ATP2B3: variants seen among roughly 807,000 people sequenced by gnomAD.
ATP2B3 encodes ATPase plasma membrane Ca2+ transporting 3.
A neutral mutation model predicts 70.8 loss-of-function variants in ATP2B3; 12 were observed. The ratio of observed to expected loss-of-function variants is 0.17; its 90% CI spans 0.11 to 0.27. ATP2B3 has a LOEUF of 0.27. Ranked by LOEUF, ATP2B3 falls within the 10% of genes least tolerant of loss-of-function variation. The pLI, the probability that ATP2B3 is intolerant of heterozygous loss-of-function variation, is 1.00. For synonymous variants in ATP2B3, 460 were observed against 497.8 expected (o/e 0.92, Z 1.01); for missense variants, 858 against 1,118.5 (o/e 0.77, Z 3.32).
chrX:153,527,272 G>A (rs1307931345), intron 2 of ATP2B3, among the ~76,000 whole-genome samples: 2 of 112,501 alleles, frequency 1.8e-5, no homozygotes, highest in East Asian at 5.7e-4. Flanking sequence ...CTTCCCATTG[G>A]ACCCCAAACA....
intron 20 of ATP2B3, 23 bp downstream of exon 20, chrX:153,562,265 A>G (rs782208450): frequency 8.5e-7 from 1 of 1,173,523 alleles, no homozygotes; most frequent in Non-Finnish European, 1.2e-6. Context: ...CCTGCCCCTC[A>G]TTTCAGACTG....
chrX:153,531,770 C>T (rs782065849), intron 2 of ATP2B3, among the ~76,000 whole-genome samples: 2 of 112,916 alleles, frequency 1.8e-5, no homozygotes, highest in South Asian at 7.3e-4. Context: ...CCCATCATCC[C>T]TGTGGGGATA....
At chrX:153,559,983 G>C (rs781796197) in intron 18 of ATP2B3, 41 bp downstream of exon 18, 4 of 1,154,408 alleles carry the variant, frequency 3.5e-6, no homozygotes, top group Middle Eastern at 2.7e-4. Context: ...TCAGGACACT[G>C]TTGCCACCAC....
At chrX:153,575,651 G>A (rs996420180) in intron 21 of ATP2B3, among the ~76,000 whole-genome samples, 14 of 111,935 alleles carry the variant, frequency 1.3e-4, no homozygotes, top group Non-Finnish European at 2.3e-4. Context: ...GCTGGGGCCG[G>A]GGGGGTTGGG....
At position 153,556,226 on chromosome X, in the gene ATP2B3, G is replaced by A. The variant is rs782691057; in HGVS notation, c.2236G>A (p.Glu746Lys). 7 of 1,208,481 alleles carry A rather than the reference G, an allele frequency of 5.8e-6. No homozygotes were observed. Among genetic ancestry groups the A allele is most frequent in the South Asian group, 1.8e-5 (1 of 56,558 alleles). The stretch of plus-strand genomic sequence containing the variant: ...CCGGCGGATCCGCAATGAGAAAGGC[G>A]AGGTAGCACCCGGCTGTCTGCCACC... Reference protein sequence around the residue: ...FNRRIRNEKGEIEQERLDKVW... With the variant: ...FNRRIRNEKGKIEQERLDKVW... The change falls in exon 14 of 22, where the codon GAG becomes AAG. Residue 746 changes from glutamate (E) to lysine (K), a missense_variant and splice_region_variant. Physicochemically the swap from Glu to Lys is moderately conservative, Grantham distance 56. Transcript: ENST00000263519.
At chrX:153,542,037 C>T in intron 5 of ATP2B3, 111 bp downstream of exon 5, 1 of 821,281 alleles carries the variant, frequency 1.2e-6, no homozygotes, top group Admixed American at 4.1e-5. Context: ...GCCTGCGTGT[C>T]GTCACCTGCC....
At chrX:153,549,973 G>T in intron 11 of ATP2B3, 72 bp from the exon 12 acceptor site, 1 of 1,178,240 alleles carries the variant, frequency 8.5e-7, no homozygotes. Context: ...AGGGGGCAGA[G>T]CTGGGGCTCC....
At position 153,582,319 on chromosome X, in the gene ATP2B3, G is replaced by C. The variant is rs2090929128; in HGVS notation, c.*2021G>C. On this transcript the variant is annotated 3_prime_UTR_variant, in exon 22 of 22. Coordinates refer to ENST00000263519, the MANE Select transcript of ATP2B3 (RefSeq NM_001001344.3). ...CCCTTTTTTCTAAAGGGCACATTGA[G>C]AATGTCACCCATTTGTAAACTGTTC... 1 of 113,009 alleles carries C rather than the reference G, an allele frequency of 8.8e-6. No individual in the cohort carries two copies. Among genetic ancestry groups the C allele is most frequent in the South Asian group, 3.6e-4 (1 of 2,752 alleles). 9.3% of individuals were successfully genotyped at this position (113,009 alleles called of 1,213,427 possible).
chrX:153,544,213 G>A (rs900903071), intron 7 of ATP2B3, among the ~76,000 whole-genome samples: 1 of 112,070 alleles, frequency 8.9e-6, no homozygotes, highest in South Asian at 3.7e-4. Context: ...GGCCTCGTCT[G>A]GGCTGGGCTG....
chrX:153,554,205 G>A (rs1010992762), intron 13 of ATP2B3, among the ~76,000 whole-genome samples: 4 of 113,646 alleles, frequency 3.5e-5, no homozygotes, highest in Non-Finnish European at 7.5e-5. Flanking sequence ...GGGAGAAAAT[G>A]GGTGGTAGCG....
intron 4 of ATP2B3, 41 bp downstream of exon 4, chrX:153,541,597 G>A (rs2090282559): frequency 8.3e-7 from 1 of 1,207,262 alleles, no homozygotes; most frequent in Admixed American, 2.2e-5. Context: ...GAAGAGGAAT[G>A]GGGCTTGAGA....
intron 7 of ATP2B3, among the ~76,000 whole-genome samples, chrX:153,544,557 G>A (rs1330883891): frequency 1.8e-5 from 2 of 111,528 alleles, no homozygotes; most frequent in Non-Finnish European, 3.8e-5. Context: ...AGGGGGCCCT[G>A]GAGGGAGAGC....
intron 1 of ATP2B3, 115 bp downstream of exon 1, chrX:153,517,990 G>A (rs1556996675): frequency 9.1e-6 from 1 of 109,769 alleles, no homozygotes; most frequent in African/African-American, 3.3e-5. Flanking sequence ...CGGCAGGTAG[G>A]GGGACACGGG....
chrX:153,527,387 C>T (rs1276257315), intron 2 of ATP2B3, among the ~76,000 whole-genome samples: 1 of 113,242 alleles, frequency 8.8e-6, no homozygotes, highest in Non-Finnish European at 1.9e-5. Flanking sequence ...TGGGCAGGCC[C>T]GGGCTGGCAG....
At chrX:153,524,938 C>T (rs1350858238) in intron 2 of ATP2B3, among the ~76,000 whole-genome samples, 1 of 111,859 alleles carries the variant, frequency 8.9e-6, no homozygotes, top group East Asian at 2.8e-4. Context: ...CAGATGAGTC[C>T]GGTCCCCATG....
At chrX:153,569,596 C>T (rs2090758783) in intron 21 of ATP2B3, 1 of 1,210,907 alleles carries the variant, frequency 8.3e-7, no homozygotes, top group Non-Finnish European at 1.1e-6. Flanking sequence ...CATTTTCTCT[C>T]CCACAGATGG....
chrX:153,569,742 C>T (rs782426970), intron 21 of ATP2B3: 51 of 1,209,149 alleles, frequency 4.2e-5, no homozygotes, highest in Non-Finnish European at 5.5e-5. Flanking sequence ...GCCAATCCTA[C>T]CAGTGCTGCT....
intron 7 of ATP2B3, 111 bp from the exon 8 acceptor site, chrX:153,545,977 G>A (rs2090359329): frequency 1.2e-6 from 1 of 824,708 alleles, no homozygotes; most frequent in Non-Finnish European, 1.8e-6. Flanking sequence ...AGAGGACGGG[G>A]CATGAAGAAG....
At chrX:153,528,714 G>A (rs1441615732) in intron 2 of ATP2B3, among the ~76,000 whole-genome samples, 1 of 112,388 alleles carries the variant, frequency 8.9e-6, no homozygotes, top group Non-Finnish European at 1.9e-5. Flanking sequence ...GAGCTCCTTT[G>A]ATTGTGTCAT....
Sources: gnomAD v4.1 joint callset for allele counts (sites outside exome capture counted in the v4.1 genomes callset) on GRCh38, gnomAD v4.1.1 for gene constraint, MANE v1.5 for transcripts, NCBI Gene and HGNC (gene_info 2026-07-23, HGNC 2026-07-21) for gene names.